GABRB3: variants seen among roughly 807,000 people sequenced by gnomAD.
The protein encoded by GABRB3 is gamma-aminobutyric acid receptor subunit beta-3.
Under a neutral mutation model 52.1 loss-of-function variants are expected in GABRB3, and 14 were observed. The observed-to-expected ratio is 0.27, with a 90% CI of 0.18 to 0.42. The LOEUF is 0.42. Ranked by LOEUF, GABRB3 falls within the 10% of genes least tolerant of loss-of-function variation. GABRB3 has a pLI of 1.00. For missense variants in GABRB3, 307 were observed against 609.1 expected, an observed-to-expected ratio of 0.50 and a Z score of 5.22; for synonymous variants, 260 against 232.3, an observed-to-expected ratio of 1.12 and a Z score of -1.08.
intron 3 of GABRB3, among the ~76,000 whole-genome samples, chr15:26,707,150 T>C (rs1889129234): frequency 6.6e-6 from 1 of 152,106 alleles, no homozygotes; most frequent in South Asian, 2.1e-4. Flanking sequence ...GAAAGTATCT[T>C]TGGAGGCTAG....
Position 26,554,043 on chromosome 15 carries a change from A to ATT in GABRB3, c.1081-5911_1081-5910dup, listed in dbSNP as rs1567096806. On this transcript the variant is annotated intron_variant, in intron 8 of 8. Coordinates refer to ENST00000311550, the MANE Select transcript of GABRB3 (RefSeq NM_000814.6). ...TATTTATATATATATATATTTATTTATTTATATTTATTTATATATAAAGTG... is the reference window on the plus strand; with the variant it reads ...TATTTATATATATATATATTTATTTATTTTTATATTTATTTATATATAAAGTG... Among the ~76,000 whole-genome samples, 112 of 108,134 alleles carry ATT rather than the reference A, an allele frequency of 1.0e-3. 17 individuals carry two copies. The highest frequency in any genetic ancestry group is 4.0e-3 in the African/African-American group (108 of 26,890). The allele number at this position is 108,134 out of a possible 152,430, so 70.9% of individuals were successfully genotyped here. A position where few individuals can be genotyped will look rare whatever the true frequency, so the allele number is the denominator to read the frequency against.
chr15:26,568,684 G>GTGTT (rs373552704), intron 6 of GABRB3, among the ~76,000 whole-genome samples: 96 of 133,646 alleles, frequency 7.2e-4, no homozygotes, highest in South Asian at 2.3e-3. Context: ...TTTTTTTTTG[G>GTGTT]TTTTGTATGT....
At chr15:26,753,095 T>C (rs1488595965) in intron 3 of GABRB3, among the ~76,000 whole-genome samples, 1 of 152,212 alleles carries the variant, frequency 6.6e-6, no homozygotes, top group Non-Finnish European at 1.5e-5. Context: ...CAGAACTCCC[T>C]AACTTCTGAG....
At chr15:26,682,943 T>A (rs1378086020) in intron 3 of GABRB3, among the ~76,000 whole-genome samples, 1 of 152,202 alleles carries the variant, frequency 6.6e-6, no homozygotes, top group African/African-American at 2.4e-5. Context: ...CAGGAGCTCC[T>A]GCAGCTGTGG....
At chr15:26,567,804 C>T in intron 6 of GABRB3, 71 bp from the exon 7 acceptor site, 1 of 1,449,150 alleles carries the variant, frequency 6.9e-7, no homozygotes, top group Non-Finnish European at 9.6e-7. Flanking sequence ...CTTTGACTTC[C>T]ATAGGTCAAC....
At chr15:26,584,326 G>A (rs1890900705) in intron 4 of GABRB3, among the ~76,000 whole-genome samples, 1 of 152,108 alleles carries the variant, frequency 6.6e-6, no homozygotes, top group South Asian at 2.1e-4. Flanking sequence ...GCCTATGTGT[G>A]GGACACCACC....
At chr15:26,752,422 C>T (rs1005177732) in intron 3 of GABRB3, among the ~76,000 whole-genome samples, 4 of 151,886 alleles carry the variant, frequency 2.6e-5, no homozygotes, top group African/African-American at 9.7e-5. Flanking sequence ...CACCACCACA[C>T]CCAGCTAATT....
At chr15:26,578,068 T>C (rs1890656640) in intron 6 of GABRB3, among the ~76,000 whole-genome samples, 1 of 152,212 alleles carries the variant, frequency 6.6e-6, no homozygotes, top group South Asian at 2.1e-4. Flanking sequence ...ATTACAGGTG[T>C]GAACCACTGT....
intron 3 of GABRB3, among the ~76,000 whole-genome samples, chr15:26,697,492 C>T (rs1888778176): frequency 6.6e-6 from 1 of 152,104 alleles, no homozygotes; most frequent in Non-Finnish European, 1.5e-5. Context: ...AGTGGCCTGT[C>T]TCCTTCCCTC....
chr15:26,698,208 G>A (rs1422760384), intron 3 of GABRB3, among the ~76,000 whole-genome samples: 7 of 152,152 alleles, frequency 4.6e-5, no homozygotes, highest in African/African-American at 1.2e-4. Flanking sequence ...CATGAATAAC[G>A]TCATTAGCCT....
intron 3 of GABRB3, among the ~76,000 whole-genome samples, chr15:26,705,088 G>A (rs981855972): frequency 6.6e-6 from 1 of 152,178 alleles, no homozygotes; most frequent in Non-Finnish European, 1.5e-5. Flanking sequence ...GTCCAGTTGT[G>A]CTGCTATAAC....
chr15:26,582,746 A>C (rs944587899), intron 5 of GABRB3, among the ~76,000 whole-genome samples: 2 of 152,246 alleles, frequency 1.3e-5, no homozygotes, highest in Non-Finnish European at 2.9e-5. Flanking sequence ...CTAGTTATAA[A>C]CCAGTTCATA....
chr15:26,580,364 T>C lies in GABRB3; in HGVS notation c.637A>G (p.Ile213Val), dbSNP rs749931408. The C allele has an allele frequency of 9.3e-6, 15 of 1,614,166 alleles. No individual in the cohort carries two copies. Among genetic ancestry groups the C allele is most frequent in the Non-Finnish European group, 1.3e-5 (15 of 1,180,038 alleles). ...VERIELPQFS[I>V]VEHRLVSRNV... ...CTCGAGACCAGACGGTGCTCCACGA[T>C]GGAGAACTGCGGGAGCTCAATCCTT... The change falls in exon 6 of 9, where the codon ATC (isoleucine) becomes GTC (valine). Residue 213 changes from isoleucine to valine, a missense_variant. Physicochemically the swap from Ile to Val is conservative, Grantham distance 29. Around this residue, in one of 6 missense-constraint regions of GABRB3, gnomAD observed 23 missense variants for 34.2 expected, o/e 0.67. Coordinates refer to ENST00000311550, the MANE Select transcript of GABRB3 (RefSeq NM_000814.6).
chr15:26,755,105 G>A (rs1280345779), intron 3 of GABRB3, among the ~76,000 whole-genome samples: 2 of 150,154 alleles, frequency 1.3e-5, no homozygotes, highest in African/African-American at 4.9e-5. Flanking sequence ...CTTGGTTCAA[G>A]CGATTCTCCT....
At chr15:26,718,144 C>T (rs1445923037) in intron 3 of GABRB3, among the ~76,000 whole-genome samples, 2 of 152,204 alleles carry the variant, frequency 1.3e-5, no homozygotes, top group Non-Finnish European at 2.9e-5. Flanking sequence ...CCCCAAAGGT[C>T]TAGTCAAAGG....
intron 3 of GABRB3, among the ~76,000 whole-genome samples, chr15:26,648,728 C>T (rs1436487256): frequency 6.6e-6 from 1 of 152,222 alleles, no homozygotes; most frequent in Admixed American, 6.5e-5. Context: ...AAACCACAGA[C>T]AGAAGCCCAA....
Position 26,580,444 on chromosome 15 carries a change from G to A in GABRB3, c.557C>T (p.Thr186Met), listed in dbSNP as rs769801846. 9.9e-6 allele frequency: 16 copies of A among 1,614,054 alleles called. No individual in the cohort carries two copies. The East Asian group carries it at 1.1e-4, about 11-fold the overall frequency. ...TLEIESYGYTTDDIEFYWRGG... is the reference protein window; with the variant it reads ...TLEIESYGYTMDDIEFYWRGG... The stretch of plus-strand genomic sequence containing the variant: ...TCGCCAGTAAAACTCAATGTCATCC[G>A]TGGTGTAGCCATCTGCCAAGAGAGA... The change falls in exon 6 of 9, where the codon ACG (threonine) becomes ATG (methionine). Residue 186 changes from threonine to methionine, a missense_variant. Physicochemically the swap from Thr to Met is moderately conservative, Grantham distance 81. Transcript: ENST00000311550.
chr15:26,633,946 A>C (rs1326391328), intron 3 of GABRB3, among the ~76,000 whole-genome samples: 1 of 152,244 alleles, frequency 6.6e-6, no homozygotes, highest in Non-Finnish European at 1.5e-5. Flanking sequence ...AATTCGTTTC[A>C]AAGTGTGGCG....
At chr15:26,662,720 G>T (rs981356670) in intron 3 of GABRB3, among the ~76,000 whole-genome samples, 2 of 152,104 alleles carry the variant, frequency 1.3e-5, no homozygotes, top group African/African-American at 4.8e-5. Context: ...ACCTTTCAGG[G>T]CAGTGTCATT....
Sources: allele counts gnomAD v4.1 joint callset (sites outside exome capture counted in the v4.1 genomes callset), GRCh38; gene constraint gnomAD v4.1.1; regional missense constraint gnomAD v4.1.1; transcripts MANE v1.5; gene names NCBI Gene and HGNC (gene_info 2026-07-23, HGNC 2026-07-21).